Variants in TET3 observed in about 807,000 individuals in gnomAD.
TET3 encodes methylcytosine dioxygenase TET3.
A neutral mutation model predicts 141.4 loss-of-function variants in TET3; 19 were observed. That is an observed-to-expected ratio of 0.13 (90% CI 0.09 to 0.20). TET3 has a LOEUF of 0.20. Among genes scored for constraint, TET3 ranks in the 10% least tolerant of loss-of-function variants. TET3 has a pLI of 1.00. For synonymous variants in TET3, 1,043 were observed against 980.9 expected, an observed-to-expected ratio of 1.06 and a Z score of -1.18; for missense variants, 1,874 against 2,356.9, an observed-to-expected ratio of 0.80 and a Z score of 4.24.
rs200265180 is a variant in TET3 at position 74,047,122 on chromosome 2, G to A, written c.1205G>A (p.Arg402Gln). ...TTCAGATCTCCCCAGTCTTACCTCC[G>A]GGCTCCCTCATGGCCTGTGGTTCCT... is the stretch of plus-strand genomic sequence containing the variant. The part of the protein sequence containing the change: ...APFRSPQSYL[R>Q]APSWPVVPPE... Residue 402 changes from arginine to glutamine, a missense_variant, in exon 4 of 12, where the codon CGG (arginine) becomes CAG (glutamine). Physicochemically the swap from Arg to Gln is conservative, Grantham distance 43 (BLOSUM62 1). Around this residue, in one of 10 missense-constraint regions of TET3, gnomAD observed 484 missense variants for 462.2 expected, o/e 1.05. Transcript: ENST00000409262. 1.5e-4 allele frequency: 236 copies of A among 1,613,548 alleles called. 1 individual carries two copies. The highest frequency in any genetic ancestry group is 1.8e-4 in the Non-Finnish European group (211 of 1,179,828).
intron 8 of TET3, among the ~76,000 whole-genome samples, chr2:74,091,841 C>G (rs924532433): frequency 1.1e-4 from 17 of 152,344 alleles, no homozygotes; most frequent in African/African-American, 3.8e-4. Flanking sequence ...ACCTGGAACT[C>G]TCTGCCACAT....
chr2:74,027,067 T>C (rs1029201953), intron 3 of TET3, among the ~76,000 whole-genome samples: 3 of 152,224 alleles, frequency 2.0e-5, no homozygotes, highest in Non-Finnish European at 4.4e-5. Context: ...TGTAACCCAG[T>C]AGGGAAATAA....
chr2:74,018,352 A>C (rs2105228827), intron 3 of TET3, among the ~76,000 whole-genome samples: 1 of 152,298 alleles, frequency 6.6e-6, no homozygotes. Flanking sequence ...CGTTTTGAAA[A>C]AAATTTTGGC....
intron 3 of TET3, among the ~76,000 whole-genome samples, chr2:74,006,118 A>T (rs906671276): frequency 1.3e-5 from 2 of 152,016 alleles, no homozygotes; most frequent in Non-Finnish European, 2.9e-5. Flanking sequence ...AGGACCTGTG[A>T]TCCTCGACTT....
intron 4 of TET3, among the ~76,000 whole-genome samples, chr2:74,052,668 G>A (rs980282687): frequency 6.6e-6 from 1 of 151,504 alleles, no homozygotes; most frequent in African/African-American, 2.4e-5. Flanking sequence ...TCAGGAATTC[G>A]AGACCACCCT....
intron 3 of TET3, among the ~76,000 whole-genome samples, chr2:74,037,161 C>T (rs1335980286): frequency 6.6e-6 from 1 of 152,206 alleles, no homozygotes; most frequent in Non-Finnish European, 1.5e-5. Flanking sequence ...TGGGCACACA[C>T]TCACTTCTGC....
the TET3 span, among the ~76,000 whole-genome samples, chr2:74,128,221 A>AT: frequency 0.035 from 5,369 of 152,152 alleles, 310 homozygotes; most frequent in African/African-American, 0.12. Context: ...AAATGTGATT[A>AT]TTTAATGTTT....
At chr2:74,021,353 C>G (rs905527624) in intron 3 of TET3, among the ~76,000 whole-genome samples, 1 of 152,234 alleles carries the variant, frequency 6.6e-6, no homozygotes, top group African/African-American at 2.4e-5. Flanking sequence ...GGCAGTGAGG[C>G]CACGATGCAG....
chr2:74,045,972 G>C (rs947530622), intron 3 of TET3, among the ~76,000 whole-genome samples: 1 of 152,192 alleles, frequency 6.6e-6, no homozygotes, highest in Non-Finnish European at 1.5e-5. Context: ...TGTGTCTCTG[G>C]TTTTAGGAGA....
At chr2:74,120,194 C>A in the TET3 span, among the ~76,000 whole-genome samples, 6 of 152,200 alleles carry the variant, frequency 3.9e-5, no homozygotes. Context: ...CCATTCTAGG[C>A]GCCCGGCTCC....
intron 1 of TET3, among the ~76,000 whole-genome samples, chr2:73,985,582 G>T (rs1260873246): frequency 6.6e-6 from 1 of 150,584 alleles, no homozygotes; most frequent in African/African-American, 2.4e-5. Context: ...CGTGCCGGGG[G>T]CGCCGGGGCA....
rs1273994842 is a variant in TET3 at position 74,080,493 on chromosome 2, T to C, written c.2586-5T>C. On this transcript the variant is annotated splice_region_variant and splice_polypyrimidine_tract_variant and intron_variant, in intron 5 of 11. Transcript: ENST00000409262. The stretch of plus-strand genomic sequence containing the variant: ...GCTAATGGTGGCTTCTGTCTCCCTC[T>C]TCAGGTATGGAGAGAAGGGGAAAGC... 4 of 1,612,186 alleles carry C rather than the reference T, an allele frequency of 2.5e-6. No homozygotes were observed. The highest frequency in any genetic ancestry group is 3.4e-6 in the Non-Finnish European group (4 of 1,179,144).
intron 4 of TET3, among the ~76,000 whole-genome samples, chr2:74,065,592 G>A (rs1475909939): frequency 6.0e-5 from 8 of 133,010 alleles, no homozygotes; most frequent in South Asian, 2.3e-4. Context: ...TGGTTCGTCC[G>A]TCCTTCCTTC....
At position 74,046,414 on chromosome 2, in the gene TET3, G is replaced by A. The variant is rs770553550; in HGVS notation, c.497G>A (p.Ser166Asn). 3 of 1,581,626 alleles carry A rather than the reference G, an allele frequency of 1.9e-6. No homozygotes were observed. Among genetic ancestry groups the A allele is most frequent in the Non-Finnish European group, 2.6e-6 (3 of 1,164,688 alleles). The change falls in exon 4 of 12, where the codon AGT (serine) becomes AAT (asparagine). Residue 166 changes from serine (S) to asparagine (N), a missense_variant. Transcript: ENST00000409262. The surrounding 1 kb of genome is among the most constrained non-coding windows in gnomAD (Gnocchi z 4.3). Reference protein sequence around the residue: ...VNGAREPAGPSLLGTGGPWRV... With the variant: ...VNGAREPAGPNLLGTGGPWRV... ...GGTGCTAGAGAGCCCGCTGGACCCA[G>A]TCTGCTGGGGACTGGGGGTCCTTGG...
chr2:74,126,500 A>AT, the TET3 span, among the ~76,000 whole-genome samples: 5,934 of 120,850 alleles, frequency 0.049, 537 homozygotes, highest in African/African-American at 0.15. Context: ...TATTTGCTGG[A>AT]TTTTTTTTTT....
rs189022291 is a variant in TET3, at chr2:73,996,723, G to T, written c.304-6387G>T. ...GGGTTTCGCCATGTTGGCCAGGCTG[G>T]TCTTGAACTCCTGGACCTCAGGTGA... On this transcript the variant is annotated intron_variant, in intron 2 of 11. Transcript: ENST00000409262. Among the ~76,000 whole-genome samples, 364 of 152,288 alleles carry T rather than the reference G, an allele frequency of 2.4e-3. 3 individuals carry two copies. The highest frequency in any genetic ancestry group is 8.0e-3 in the African/African-American group (331 of 41,554).
intron 2 of TET3, among the ~76,000 whole-genome samples, chr2:73,996,668 T>C (rs1351729127): frequency 1.3e-5 from 2 of 152,034 alleles, no homozygotes; most frequent in East Asian, 3.9e-4. Flanking sequence ...CCACCACACC[T>C]GAATAATTTT....
downstream of TET3, among the ~76,000 whole-genome samples, chr2:74,112,910 A>G (rs1461393721): frequency 6.7e-6 from 1 of 149,200 alleles, no homozygotes; most frequent in Non-Finnish European, 1.5e-5. Context: ...CTGAGGCAGG[A>G]GAACTGCTTG....
chr2:74,051,384 T>C (rs2103733145), intron 4 of TET3, among the ~76,000 whole-genome samples: 1 of 152,318 alleles, frequency 6.6e-6, no homozygotes, highest in Non-Finnish European at 1.5e-5. Flanking sequence ...TGAACAATCA[T>C]CTCAGTTGAG....
Sources: gnomAD v4.1 joint callset for allele counts (sites outside exome capture counted in the v4.1 genomes callset) on GRCh38, gnomAD v4.1.1 for gene constraint, gnomAD v4.1.1 regional missense constraint, Gnocchi (gnomAD v3.1) non-coding constraint, MANE v1.5 for transcripts, NCBI Gene and HGNC (gene_info 2026-07-23, HGNC 2026-07-21) for gene names.